The following BRINP3 variants were observed in gnomAD, a reference collection of about 807,000 sequenced individuals.
The protein encoded by BRINP3 is BMP/retinoic acid inducible neural specific 3.
In BRINP3, 19 loss-of-function variants were observed where a neutral mutation model predicts 71.0. That is an observed-to-expected ratio of 0.27 (90% CI 0.19 to 0.39). The LOEUF is 0.39. Among genes scored for constraint, BRINP3 ranks in the 10% least tolerant of loss-of-function variants. BRINP3 has a pLI of 1.00. For synonymous variants in BRINP3, 380 were observed against 337.7 expected (o/e 1.13, Z -1.37); for missense variants, 959 against 940.8 (o/e 1.02, Z -0.25).
chr1:190,363,973 G>C (rs1279465814), intron 2 of BRINP3, among the ~76,000 whole-genome samples: 2 of 151,886 alleles, frequency 1.3e-5, no homozygotes, highest in African/African-American at 4.8e-5. Flanking sequence ...AGTGTTTGGA[G>C]TATCTATAGA....
At chr1:190,364,617 T>C (rs968910229) in intron 2 of BRINP3, among the ~76,000 whole-genome samples, 1 of 151,946 alleles carries the variant, frequency 6.6e-6, no homozygotes, top group East Asian at 1.9e-4. Context: ...ATTAAATATA[T>C]ATTTTATGTA....
chr1:190,220,088 T>C (rs1191728788), intron 6 of BRINP3, among the ~76,000 whole-genome samples: 1 of 151,924 alleles, frequency 6.6e-6, no homozygotes, highest in Non-Finnish European at 1.5e-5. Context: ...AATATTCAGG[T>C]ATAGAACGAT....
chr1:190,152,025 T>G (rs1656437375), intron 7 of BRINP3, among the ~76,000 whole-genome samples: 1 of 152,172 alleles, frequency 6.6e-6, no homozygotes, highest in South Asian at 2.1e-4. Context: ...TGTAAAATTT[T>G]ATGGAGTATT....
At chr1:190,236,441 TG>T (rs1658526217) in intron 4 of BRINP3, among the ~76,000 whole-genome samples, 1 of 152,006 alleles carries the variant, frequency 6.6e-6, no homozygotes, top group South Asian at 2.1e-4. Flanking sequence ...CAATCAATGA[TG>T]GATACAGACA....
At chr1:190,441,266 T>G (rs1451647402) in intron 2 of BRINP3, among the ~76,000 whole-genome samples, 1 of 152,064 alleles carries the variant, frequency 6.6e-6, no homozygotes, top group Admixed American at 6.5e-5. Context: ...ACAGTGTATG[T>G]TATGTAATAT....
chr1:190,187,284 T>C (rs2102557792), intron 6 of BRINP3, among the ~76,000 whole-genome samples: 1 of 152,316 alleles, frequency 6.6e-6, no homozygotes, highest in Non-Finnish European at 1.5e-5. Context: ...ATTGCCTCCT[T>C]ATCAGATGTA....
chr1:190,297,733 G>C (rs1664355327), intron 2 of BRINP3, among the ~76,000 whole-genome samples: 1 of 151,404 alleles, frequency 6.6e-6, no homozygotes, highest in African/African-American at 2.4e-5. Context: ...AACTCCACCT[G>C]GTCATGGCGT....
intron 6 of BRINP3, among the ~76,000 whole-genome samples, chr1:190,192,953 G>A (rs899688866): frequency 2.0e-5 from 3 of 151,964 alleles, no homozygotes; most frequent in African/African-American, 4.8e-5. Flanking sequence ...TTTTCATTTG[G>A]TGAGTGATAT....
At chr1:190,187,171 C>CT (rs777579763) in intron 6 of BRINP3, among the ~76,000 whole-genome samples, 5 of 152,008 alleles carry the variant, frequency 3.3e-5, no homozygotes, top group Non-Finnish European at 1.5e-5. Flanking sequence ...ATTCATAAGT[C>CT]TTTTTTTGAG....
chr1:190,399,106 C>G (rs1191636792), intron 2 of BRINP3, among the ~76,000 whole-genome samples: 1 of 151,910 alleles, frequency 6.6e-6, no homozygotes, highest in African/African-American at 2.4e-5. Flanking sequence ...GCTTAACAGA[C>G]AGAACACTTC....
At chr1:190,202,576 TC>T (rs1655099092) in intron 6 of BRINP3, among the ~76,000 whole-genome samples, 1 of 152,094 alleles carries the variant, frequency 6.6e-6, no homozygotes, top group Admixed American at 6.6e-5. Flanking sequence ...CACCCAAATC[TC>T]ATATTGTAGC....
At chr1:190,305,182 A>C (rs1385783461) in intron 2 of BRINP3, among the ~76,000 whole-genome samples, 1 of 151,938 alleles carries the variant, frequency 6.6e-6, no homozygotes, top group African/African-American at 2.4e-5. Flanking sequence ...GCAATTGTAG[A>C]AAAAATTTGG....
At chr1:190,147,068 T>C (rs950431648) in intron 7 of BRINP3, among the ~76,000 whole-genome samples, 1 of 152,060 alleles carries the variant, frequency 6.6e-6, no homozygotes, top group Non-Finnish European at 1.5e-5. Flanking sequence ...AGGAGTTTTG[T>C]TTGCGTATTG....
chr1:190,253,882 G>T (rs1409550874), intron 4 of BRINP3, among the ~76,000 whole-genome samples: 2 of 152,136 alleles, frequency 1.3e-5, no homozygotes, highest in Non-Finnish European at 2.9e-5. Context: ...TTTTCTTCTA[G>T]GGTTTCTATG....
At chr1:190,324,382 TTCACCACAAGCCACTGAACACAGACA>T (rs1430468237) in intron 2 of BRINP3, among the ~76,000 whole-genome samples, 1 of 151,940 alleles carries the variant, frequency 6.6e-6, no homozygotes, top group Non-Finnish European at 1.5e-5. Flanking sequence ...AACCAGTGAA[TTCACCACAAGCCACTGAACACAGACA>T]TTTCCCCCTA....
chr1:190,156,627 A>G (rs1656890376), intron 7 of BRINP3, among the ~76,000 whole-genome samples: 1 of 152,062 alleles, frequency 6.6e-6, no homozygotes, highest in South Asian at 2.1e-4. Context: ...GATGGAAAAT[A>G]TCAAACTTCA....
At position 190,380,632 on chromosome 1, in the gene BRINP3, A is replaced by G. The variant is rs114303679; in HGVS notation, c.236+74023T>C. Among the ~76,000 whole-genome samples the G allele has an allele frequency of 8.8e-3, 1,335 of 152,294 alleles. 13 individuals carry two copies. Among genetic ancestry groups the G allele is most frequent in the African/African-American group, 0.029 (1,219 of 41,558 alleles). On this transcript the variant is annotated intron_variant, in intron 2 of 7. Transcript: ENST00000367462. ...CATTGAAATGAAGGACATTAGATCC[A>G]TTATGATCAGTAAAAGTATCCCAAA...
At position 190,111,397 on chromosome 1, in the gene BRINP3, A is replaced by G. The variant is rs572966451; in HGVS notation, c.1185-12263T>C. On this transcript the variant is annotated intron_variant, in intron 7 of 7. Coordinates refer to ENST00000367462, the MANE Select transcript of BRINP3 (RefSeq NM_199051.3). ...AAGGGAATCTGAGGAGGTAAGTGAG[A>G]AACAGCAACGTGATATGTAATTATG... is the stretch of plus-strand genomic sequence containing the variant. Among the ~76,000 whole-genome samples, 10 of 152,102 alleles carry G rather than the reference A, an allele frequency of 6.6e-5. No individual in the cohort carries two copies. In the East Asian group the frequency reaches 1.9e-3, roughly 30 times the overall value.
rs138960104 is a variant in BRINP3 at position 190,160,677 on chromosome 1, G to T, written c.1175C>A (p.Pro392Gln). The change falls in exon 7 of 8, where the codon CCA becomes CAA. Residue 392 changes from proline to glutamine, a missense_variant. Physicochemically the swap from Pro to Gln is moderately conservative, Grantham distance 76 (BLOSUM62 -1). Transcript: ENST00000367462. The part of the protein sequence containing the change: ...RCHKQPLISL[P>Q]RQRTSTYWLT... ...ACCACAAATGTCTTACCTTTGTCTT[G>T]GCAGGCTGATGAGGGGTTGTTTATG... The T allele has an allele frequency of 3.6e-5, 58 of 1,611,852 alleles. No homozygotes were observed. The African/African-American group carries it at 7.5e-4, about 21-fold the overall frequency.
Sources: allele counts gnomAD v4.1 joint callset (sites outside exome capture counted in the v4.1 genomes callset), GRCh38; gene constraint gnomAD v4.1.1; transcripts MANE v1.5; gene names NCBI Gene and HGNC (gene_info 2026-07-23, HGNC 2026-07-21).